RNF220: variants seen among roughly 807,000 people sequenced by gnomAD.
The protein encoded by RNF220 is ring finger protein 220.
A neutral mutation model predicts 67.1 loss-of-function variants in RNF220; 7 were observed. The ratio of observed to expected loss-of-function variants is 0.10; its 90% confidence interval spans 0.06 to 0.20. The LOEUF (loss-of-function observed/expected upper bound fraction) is 0.20, where lower values mean the gene tolerates loss of function less well. RNF220 is among the 10% of genes least tolerant of loss of function. The pLI is 1.00. For synonymous variants in RNF220, 270 were observed against 283.2 expected (o/e 0.95, Z 0.47); for missense variants, 565 against 740.3 (o/e 0.76, Z 2.75).
chr1:44,650,572 C>A lies in RNF220; in HGVS notation c.1630-132C>A. The A allele has an allele frequency of 1.1e-6, 1 of 950,086 alleles. No individual in the cohort carries two copies. The highest frequency in any genetic ancestry group is 1.4e-5 in the South Asian group (1 of 69,440). The allele number at this position is 950,086 out of a possible 1,614,324, so 58.9% of individuals were successfully genotyped here. ...CTGCTCACAGAAGCTGCCTATGCGT[C>A]CCCAGCCTGGGCTGACAGGACCAAG... On this transcript the variant is annotated intron_variant, in intron 14 of 14. Coordinates refer to ENST00000361799, the MANE Select transcript of RNF220 (RefSeq NM_018150.4). This position sits in a 1 kb window ranked among gnomAD's most constrained non-coding sequence, Gnocchi z 4.3.
At chr1:44,435,157 A>AAC (rs1226511216) in intron 2 of RNF220, among the ~76,000 whole-genome samples, 2 of 152,238 alleles carry the variant, frequency 1.3e-5, no homozygotes, top group African/African-American at 4.8e-5. Context: ...TGCCTAAAAA[A>AAC]ACACCAAAAA....
At chr1:44,626,711 T>C (rs1293182411) in intron 5 of RNF220, 1 of 293,200 alleles carries the variant, frequency 3.4e-6, no homozygotes, top group Non-Finnish European at 6.4e-6. Flanking sequence ...CCCAGATACA[T>C]AGCCCAGAAT....
At chr1:44,487,870 ACT>A (rs1656458337) in intron 2 of RNF220, among the ~76,000 whole-genome samples, 1 of 150,308 alleles carries the variant, frequency 6.7e-6, no homozygotes, top group African/African-American at 2.4e-5. Flanking sequence ...ACAGAGTGAG[ACT>A]CTGTATCAAA....
rs905295420 is a variant in RNF220, at chr1:44,624,952, C to G, written c.805-1345C>G. 6.6e-6 allele frequency among the ~76,000 whole-genome samples: 1 copy of G among 151,930 alleles called. No homozygotes were observed. Among genetic ancestry groups the G allele is most frequent in the African/African-American group, 2.4e-5 (1 of 41,362 alleles). ...CTTTTTGGTCCATGTTTAAAAAGCA[C>G]CAGTGACCTTTTTTTATTCCGCTTG... On this transcript the variant is annotated intron_variant, in intron 4 of 14. Coordinates refer to ENST00000361799, the MANE Select transcript of RNF220 (RefSeq NM_018150.4). This position sits in a 1 kb window ranked among gnomAD's most constrained non-coding sequence, Gnocchi z 4.2.
chr1:44,417,737 G>A lies in RNF220; in HGVS notation c.625+5015G>A, dbSNP rs1488873868. Among the ~76,000 whole-genome samples the A allele has an allele frequency of 6.6e-6, 1 of 152,206 alleles. No homozygotes were observed. The highest frequency in any genetic ancestry group is 2.4e-5 in the African/African-American group (1 of 41,456). On this transcript the variant is annotated intron_variant, in intron 2 of 14. Transcript: ENST00000361799. This position sits in a 1 kb window ranked among gnomAD's most constrained non-coding sequence, Gnocchi z 4.0. ...GCCGCTGCCGGCAGAAGGGTGGCTG[G>A]TAATTGATCTTCTGGGGGAGGGGGC...
rs542778051 is a variant in RNF220, at chr1:44,539,175, C to T, written c.626-74990C>T. On this transcript the variant is annotated intron_variant, in intron 2 of 14. Coordinates refer to ENST00000361799, the MANE Select transcript of RNF220 (RefSeq NM_018150.4). The stretch of plus-strand genomic sequence containing the variant: ...TGCGAAGGTTGCAGTGAGCCAAGAT[C>T]GCACCACTGCACTCTAGCCTGGGTG... Among the ~76,000 whole-genome samples, 5 of 152,102 alleles carry T rather than the reference C, an allele frequency of 3.3e-5. No individual in the cohort carries two copies. The East Asian group carries it at 7.7e-4, about 23-fold the overall frequency.
intron 8 of RNF220, among the ~76,000 whole-genome samples, chr1:44,641,824 G>A (rs1018310191): frequency 1.3e-5 from 2 of 152,230 alleles, no homozygotes; most frequent in South Asian, 2.1e-4. Context: ...TGGGGTCAGG[G>A]TCAGAGTGAA....
At chr1:44,422,897 C>G (rs748848981) in intron 2 of RNF220, among the ~76,000 whole-genome samples, 2 of 152,188 alleles carry the variant, frequency 1.3e-5, no homozygotes, top group Non-Finnish European at 2.9e-5. Context: ...GTATGTGAGA[C>G]ATGACTCAGT....
At chr1:44,452,150 G>A (rs1652751000) in intron 2 of RNF220, among the ~76,000 whole-genome samples, 1 of 152,112 alleles carries the variant, frequency 6.6e-6, no homozygotes, top group African/African-American at 2.4e-5. Context: ...GCTGTACATG[G>A]GTTTGCTTCT....
At chr1:44,514,041 A>G (rs748203606) in intron 2 of RNF220, among the ~76,000 whole-genome samples, 7 of 152,244 alleles carry the variant, frequency 4.6e-5, no homozygotes, top group African/African-American at 1.2e-4. Flanking sequence ...TGGATTCAAT[A>G]TATAGTCGTG....
chr1:44,509,467 G>A (rs887699499), intron 2 of RNF220, among the ~76,000 whole-genome samples: 10 of 151,526 alleles, frequency 6.6e-5, no homozygotes, highest in African/African-American at 1.2e-4. Flanking sequence ...GGAGAATGGC[G>A]TGAACCCAGG....
chr1:44,552,191 T>C (rs114624396), intron 2 of RNF220, among the ~76,000 whole-genome samples: 252 of 152,314 alleles, frequency 1.7e-3, no homozygotes, highest in Middle Eastern at 6.8e-3. Flanking sequence ...AATGGCCTCC[T>C]TTAGGCTGTC....
At chr1:44,559,572 AG>A (rs1663397672) in intron 2 of RNF220, among the ~76,000 whole-genome samples, 1 of 152,216 alleles carries the variant, frequency 6.6e-6, no homozygotes, top group South Asian at 2.1e-4. Context: ...GCGGTGATGC[AG>A]GGGGCATCCC....
rs184511714 is a variant in RNF220 at position 44,474,124 on chromosome 1, C to T, written c.625+61402C>T. Among the ~76,000 whole-genome samples the T allele has an allele frequency of 4.5e-4, 69 of 152,108 alleles. 1 individual carries two copies. In the East Asian group the frequency reaches 7.7e-3, roughly 17 times the overall value. ...GTGTGGTAGCTCACGCCTATAATCC[C>T]AGCACTTTGGGAAGCTGAGGCAGGT... On this transcript the variant is annotated intron_variant, in intron 2 of 14. Coordinates refer to ENST00000361799, the MANE Select transcript of RNF220 (RefSeq NM_018150.4).
At chr1:44,557,328 C>A (rs925617347) in intron 2 of RNF220, among the ~76,000 whole-genome samples, 3 of 149,622 alleles carry the variant, frequency 2.0e-5, no homozygotes, top group African/African-American at 7.4e-5. Flanking sequence ...CTTTCTAGAC[C>A]AGTTCTGGGC....
At chr1:44,406,070 C>T (rs1647299299) in intron 1 of RNF220, among the ~76,000 whole-genome samples, 1 of 152,166 alleles carries the variant, frequency 6.6e-6, no homozygotes, top group African/African-American at 2.4e-5. Context: ...CCCGAGGCGG[C>T]GGGCGGATGG....
At chr1:44,411,498 AT>A (rs1349569628) in intron 1 of RNF220, among the ~76,000 whole-genome samples, 2 of 152,154 alleles carry the variant, frequency 1.3e-5, no homozygotes, top group Non-Finnish European at 2.9e-5. Context: ...AATTAGGGAT[AT>A]TTCAGTATCA....
At chr1:44,548,119 C>T (rs1237282106) in intron 2 of RNF220, among the ~76,000 whole-genome samples, 1 of 152,190 alleles carries the variant, frequency 6.6e-6, no homozygotes, top group Non-Finnish European at 1.5e-5. Flanking sequence ...TCTCGTTAGT[C>T]ACGAAATCCT....
At chr1:44,473,429 C>A (rs563352128) in intron 2 of RNF220, among the ~76,000 whole-genome samples, 1 of 143,148 alleles carries the variant, frequency 7.0e-6, no homozygotes, top group Non-Finnish European at 1.5e-5. Context: ...ATGCGGTGCC[C>A]CATCACAGGA....
Sources: gnomAD v4.1 joint callset for allele counts (sites outside exome capture counted in the v4.1 genomes callset) on GRCh38, gnomAD v4.1.1 for gene constraint, Gnocchi (gnomAD v3.1) non-coding constraint, MANE v1.5 for transcripts, NCBI Gene and HGNC (gene_info 2026-07-23, HGNC 2026-07-21) for gene names.